Variants in ANKFN1 observed in about 807,000 individuals in gnomAD.
ANKFN1 encodes the protein ankyrin repeat and fibronectin type III domain containing 1, also known as ankyrin repeat and fibronectin type-III domain-containing protein 1.
Under a neutral mutation model 108.7 loss-of-function variants are expected in ANKFN1, and 74 were observed. That is an observed-to-expected ratio of 0.68 (90% CI 0.56 to 0.83). ANKFN1 has a LOEUF of 0.83. Ranked by LOEUF, ANKFN1 falls within the 40% of genes least tolerant of loss-of-function variation. The pLI is 0.00. For missense variants in ANKFN1, 1,505 were observed against 1,382.3 expected, an observed-to-expected ratio of 1.09 and a Z score of -1.41; for synonymous variants, 547 against 516.2, an observed-to-expected ratio of 1.06 and a Z score of -0.81.
Position 56,456,956 on chromosome 17 carries a change from A to T in ANKFN1, c.1303A>T (p.Lys435Ter). 6.2e-7 allele frequency: 1 copy of T among 1,613,294 alleles called. No individual in the cohort carries two copies. Among genetic ancestry groups the T allele is most frequent in the South Asian group, 1.1e-5 (1 of 91,054 alleles). Residue 435 changes from lysine (K) to a stop codon, truncating the protein, a stop_gained, in exon 12 of 21, where the codon AAA becomes TAA. Coordinates refer to ENST00000682825, the MANE Select transcript of ANKFN1 (RefSeq NM_001370326.1). LOFTEE classifies it high-confidence loss of function. The part of the protein sequence containing the change: ...HSSNKFVKTL[K>*]RGLYIAVIFY... ...CTCGAACAAGTTTGTGAAGACCTTA[A>T]AACGGTGGGTTCTATGTAGTTTTTT...
upstream of ANKFN1, among the ~76,000 whole-genome samples, chr17:56,152,191 C>T (rs1375844802): frequency 6.6e-6 from 1 of 150,984 alleles, no homozygotes; most frequent in African/African-American, 2.4e-5. Flanking sequence ...TAACTGATGC[C>T]AGAGCTAAGC....
chr17:56,209,338 C>T (rs980475113), intron 1 of ANKFN1, among the ~76,000 whole-genome samples: 1 of 151,998 alleles, frequency 6.6e-6, no homozygotes. Context: ...ACCCAAATAC[C>T]AAAACCAGGA....
At chr17:56,240,022 G>C (rs980370298) in intron 3 of ANKFN1, among the ~76,000 whole-genome samples, 1 of 152,088 alleles carries the variant, frequency 6.6e-6, no homozygotes, top group African/African-American at 2.4e-5. Context: ...TTCAAACATA[G>C]AGGAAAATAA....
At chr17:56,260,805 A>G (rs534885773) in intron 3 of ANKFN1, among the ~76,000 whole-genome samples, 1 of 152,288 alleles carries the variant, frequency 6.6e-6, no homozygotes, top group African/African-American at 2.4e-5. Context: ...AACACTAGGG[A>G]ACAGCCAGGT....
At chr17:56,087,141 A>C (rs1905330818) in intron 4 of ANKFN1, among the ~76,000 whole-genome samples, 1 of 151,266 alleles carries the variant, frequency 6.6e-6, no homozygotes, top group African/African-American at 2.4e-5. Context: ...GCACTGATGG[A>C]GCCAGGATCT....
At chr17:56,176,927 T>A (rs1250273420) in intron 1 of ANKFN1, among the ~76,000 whole-genome samples, 1 of 152,180 alleles carries the variant, frequency 6.6e-6, no homozygotes, top group Admixed American at 6.5e-5. Context: ...TTGTCCAGAT[T>A]GAAACACTTG....
chr17:56,386,236 C>T (rs1187927868), intron 8 of ANKFN1, among the ~76,000 whole-genome samples: 1 of 151,898 alleles, frequency 6.6e-6, no homozygotes, highest in African/African-American at 2.4e-5. Context: ...AAACCAAACA[C>T]CATATGTTCT....
chr17:56,483,917 A>G (rs1186552683), intron 18 of ANKFN1, among the ~76,000 whole-genome samples: 1 of 152,196 alleles, frequency 6.6e-6, no homozygotes, highest in Non-Finnish European at 1.5e-5. Context: ...AAATGAGAAT[A>G]CAAATTATTA....
At chr17:56,284,774 G>T (rs1195054918) in intron 3 of ANKFN1, among the ~76,000 whole-genome samples, 1 of 152,176 alleles carries the variant, frequency 6.6e-6, no homozygotes, top group Admixed American at 6.5e-5. Context: ...GGGTTTAGGA[G>T]TGTCGACGTG....
At chr17:56,167,582 C>A (rs767893348) in intron 1 of ANKFN1, among the ~76,000 whole-genome samples, 4 of 151,890 alleles carry the variant, frequency 2.6e-5, no homozygotes, top group Non-Finnish European at 4.4e-5. Context: ...CTCCTGAATA[C>A]CTTCATTGTG....
At chr17:56,086,751 G>A (rs1905321430) in intron 4 of ANKFN1, among the ~76,000 whole-genome samples, 1 of 151,384 alleles carries the variant, frequency 6.6e-6, no homozygotes, top group Non-Finnish European at 1.5e-5. Context: ...TTACTAAAAA[G>A]TCACAGAGAC....
chr17:56,379,654 T>C (rs1477299433), intron 8 of ANKFN1, among the ~76,000 whole-genome samples: 1 of 152,214 alleles, frequency 6.6e-6, no homozygotes, highest in Non-Finnish European at 1.5e-5. Context: ...TATGTAAATG[T>C]GTTTGGCTCC....
At chr17:56,347,859 C>A (rs2046147058) in intron 4 of ANKFN1, among the ~76,000 whole-genome samples, 1 of 151,942 alleles carries the variant, frequency 6.6e-6, no homozygotes. Context: ...GGGTAGGTGT[C>A]ATCAGTTAGA....
At chr17:56,251,402 T>C (rs2043232737) in intron 3 of ANKFN1, among the ~76,000 whole-genome samples, 1 of 152,170 alleles carries the variant, frequency 6.6e-6, no homozygotes, top group Non-Finnish European at 1.5e-5. Flanking sequence ...ACACAATATC[T>C]GACCCAAAGA....
At chr17:56,276,754 T>C (rs992303619) in intron 3 of ANKFN1, among the ~76,000 whole-genome samples, 2 of 152,122 alleles carry the variant, frequency 1.3e-5, no homozygotes, top group African/African-American at 4.8e-5. Flanking sequence ...GGATATTAGC[T>C]GAAAGGGAGT....
intron 4 of ANKFN1, among the ~76,000 whole-genome samples, chr17:56,101,225 T>C (rs1383802728): frequency 6.6e-6 from 1 of 152,168 alleles, no homozygotes; most frequent in Non-Finnish European, 1.5e-5. Flanking sequence ...AATCCACCAG[T>C]GTATGGTATT....
At chr17:56,164,510 A>G (rs1909971094) in intron 1 of ANKFN1, among the ~76,000 whole-genome samples, 1 of 152,208 alleles carries the variant, frequency 6.6e-6, no homozygotes, top group Non-Finnish European at 1.5e-5. Context: ...TAGCTGGCAC[A>G]TGATTAATGT....
chr17:56,467,146 A>G (rs1246494291), intron 15 of ANKFN1, among the ~76,000 whole-genome samples: 4 of 152,102 alleles, frequency 2.6e-5, no homozygotes, highest in Non-Finnish European at 5.9e-5. Context: ...ATTGAGACCA[A>G]TAATTGAGTA....
chr17:56,118,607 A>T (rs1906417595), intron 4 of ANKFN1, among the ~76,000 whole-genome samples: 1 of 152,206 alleles, frequency 6.6e-6, no homozygotes, highest in South Asian at 2.1e-4. Context: ...CAAGTATGTT[A>T]CATGTGTTAA....
Sources: allele counts gnomAD v4.1 joint callset (sites outside exome capture counted in the v4.1 genomes callset), GRCh38; gene constraint gnomAD v4.1.1; transcripts MANE v1.5; gene names NCBI Gene and HGNC (gene_info 2026-07-23, HGNC 2026-07-21).